The following FRK variants were observed in gnomAD, a reference collection of about 807,000 sequenced individuals.
The protein encoded by FRK is tyrosine-protein kinase FRK.
Under a neutral mutation model 56.4 loss-of-function variants are expected in FRK, and 51 were observed. That is an observed-to-expected ratio of 0.90 (90% CI 0.72 to 1.14). The LOEUF is 1.14. Ranked by LOEUF, FRK falls within the 50% of genes most tolerant of loss-of-function variation. The pLI is 0.00. For synonymous variants in FRK, 245 were observed against 217.9 expected, an observed-to-expected ratio of 1.12 and a Z score of -1.10; for missense variants, 570 against 601.4, an observed-to-expected ratio of 0.95 and a Z score of 0.55.
intron 1 of FRK, among the ~76,000 whole-genome samples, chr6:116,055,152 T>C (rs1408423609): frequency 6.6e-6 from 1 of 152,182 alleles, no homozygotes; most frequent in Non-Finnish European, 1.5e-5. Context: ...TGTTTCACCA[T>C]GCTGCTTTCA....
At chr6:115,973,686 A>G (rs948947022) in intron 2 of FRK, among the ~76,000 whole-genome samples, 2 of 152,160 alleles carry the variant, frequency 1.3e-5, no homozygotes, top group Non-Finnish European at 2.9e-5. Flanking sequence ...CCTGGCCAAT[A>G]TGGCAAAACC....
chr6:116,096,033 C>T, the FRK span, among the ~76,000 whole-genome samples: 2 of 152,190 alleles, frequency 1.3e-5, no homozygotes, highest in African/African-American at 4.8e-5. Context: ...CGCCTTCAGG[C>T]CCTTTATTTT....
chr6:116,097,215 G>C, the FRK span, among the ~76,000 whole-genome samples: 1 of 152,052 alleles, frequency 6.6e-6, no homozygotes, highest in South Asian at 2.1e-4. Flanking sequence ...TAAGTATTTG[G>C]TTCTATGTAG....
In FRK at chr6:116,060,075, C is replaced by T. The variant is rs148677068; in HGVS notation, c.237G>A (p.Trp79Ter). Residue 79 changes from tryptophan to a stop codon, truncating the protein, a stop_gained, in exon 1 of 8, where the codon TGG becomes TGA. Coordinates refer to ENST00000606080, the MANE Select transcript of FRK (RefSeq NM_002031.3). LOFTEE classifies it high-confidence loss of function. ...LQVLDTLHEG[W>*]WFARHLEKRR... ...TTTTCTCCAAGTGTCTGGCAAACCA[C>T]CAGCCCTCATGCAAAGTGTCCAGAA... 1 of 1,614,032 alleles carries T rather than the reference C, an allele frequency of 6.2e-7. No individual in the cohort carries two copies.
intron 1 of FRK, among the ~76,000 whole-genome samples, chr6:116,051,113 G>A (rs1020720130): frequency 6.6e-6 from 1 of 152,146 alleles, no homozygotes; most frequent in African/African-American, 2.4e-5. Flanking sequence ...TGCTGCCAAT[G>A]TGGTATACAA....
intron 1 of FRK, among the ~76,000 whole-genome samples, chr6:116,026,922 T>C (rs1225848557): frequency 6.6e-6 from 1 of 152,058 alleles, no homozygotes; most frequent in Non-Finnish European, 1.5e-5. Flanking sequence ...AGGTATAAAG[T>C]AGGGAAGAGA....
At chr6:116,000,227 T>C (rs12529209) in intron 2 of FRK, among the ~76,000 whole-genome samples, 52,022 of 96,438 alleles carry the variant, frequency 0.54, 10,966 homozygotes, top group Middle Eastern at 0.64. Context: ...TTCTTTCTTT[T>C]TTTTTTTTTT....
intron 1 of FRK, among the ~76,000 whole-genome samples, chr6:116,007,653 G>T (rs974806847): frequency 6.6e-6 from 1 of 152,094 alleles, no homozygotes; most frequent in South Asian, 2.1e-4. Flanking sequence ...ATACCAAAGC[G>T]GTTTTTGTCC....
intron 1 of FRK, among the ~76,000 whole-genome samples, chr6:116,055,834 C>T (rs1290116917): frequency 6.6e-6 from 1 of 152,138 alleles, no homozygotes; most frequent in African/African-American, 2.4e-5. Context: ...AAACAATAAA[C>T]TTTAGAGATG....
In FRK at chr6:115,972,391, G is replaced by A. The variant is rs148023176; in HGVS notation, c.467-3652C>T. Among the ~76,000 whole-genome samples the A allele has an allele frequency of 1.9e-3, 282 of 152,312 alleles. 12 individuals are homozygous for A. In the South Asian group the frequency reaches 0.036, roughly 19 times the overall value. On this transcript the variant is annotated intron_variant, in intron 2 of 7. Coordinates refer to ENST00000606080, the MANE Select transcript of FRK (RefSeq NM_002031.3). ...TTCTCAACCTGAGTCAGGCACCTGT[G>A]TTCTATCCTCCCAACTGCAGAGGGT...
intron 1 of FRK, among the ~76,000 whole-genome samples, chr6:116,051,405 A>G (rs1777175288): frequency 6.6e-6 from 1 of 152,222 alleles, no homozygotes; most frequent in African/African-American, 2.4e-5. Flanking sequence ...AAAATATTCA[A>G]CTAAAAAACT....
chr6:116,094,081 C>T, the FRK span, among the ~76,000 whole-genome samples: 11 of 152,158 alleles, frequency 7.2e-5, no homozygotes, highest in Non-Finnish European at 1.3e-4. Context: ...TGAAGCAGGC[C>T]AGTCACCCAG....
intron 6 of FRK, 52 bp downstream of exon 6, chr6:115,944,192 T>C (rs369210008): frequency 4.9e-6 from 7 of 1,431,626 alleles, no homozygotes; most frequent in Non-Finnish European, 6.7e-6. Flanking sequence ...GTCTACTAAC[T>C]GTTAGACTTT....
chr6:115,999,025 T>A (rs946720213), intron 2 of FRK, among the ~76,000 whole-genome samples: 2 of 152,110 alleles, frequency 1.3e-5, no homozygotes, highest in African/African-American at 2.4e-5. Context: ...CAGCTGCAGC[T>A]CAATTTTAGA....
intron 5 of FRK, among the ~76,000 whole-genome samples, chr6:115,951,453 A>T (rs1368162986): frequency 6.6e-6 from 1 of 152,206 alleles, no homozygotes; most frequent in East Asian, 1.9e-4. Context: ...TAGATGTTCT[A>T]TAAGTATTTA....
chr6:116,041,437 C>T (rs1467510406), intron 1 of FRK, among the ~76,000 whole-genome samples: 1 of 152,154 alleles, frequency 6.6e-6, no homozygotes, highest in Admixed American at 6.5e-5. Flanking sequence ...TTCCTTGAAG[C>T]ATCTTGGATT....
intron 1 of FRK, among the ~76,000 whole-genome samples, chr6:116,041,856 T>C (rs1406423175): frequency 1.3e-5 from 2 of 152,068 alleles, no homozygotes; most frequent in African/African-American, 4.8e-5. Flanking sequence ...GTAGGAGTCT[T>C]TTTCATACCC....
At chr6:116,042,253 G>A (rs1776750058) in intron 1 of FRK, among the ~76,000 whole-genome samples, 1 of 152,086 alleles carries the variant, frequency 6.6e-6, no homozygotes, top group Non-Finnish European at 1.5e-5. Context: ...CCCAATCAGG[G>A]GCTTATAGAT....
chr6:115,953,116 T>C (rs1000280486), intron 5 of FRK, among the ~76,000 whole-genome samples: 57 of 149,692 alleles, frequency 3.8e-4, no homozygotes, highest in African/African-American at 1.4e-3. Context: ...AAAAAAAGAA[T>C]CTTTCATCTT....
Sources: gnomAD v4.1 joint callset for allele counts (sites outside exome capture counted in the v4.1 genomes callset) on GRCh38, gnomAD v4.1.1 for gene constraint, MANE v1.5 for transcripts, NCBI Gene and HGNC (gene_info 2026-07-23, HGNC 2026-07-21) for gene names.